The following PPM1B variants were observed in gnomAD, a reference collection of about 807,000 sequenced individuals.
PPM1B encodes protein phosphatase 1B.
PPM1B carries 22 observed loss-of-function variants against 43.0 expected under a neutral mutation model. The ratio of observed to expected loss-of-function variants is 0.51; its 90% confidence interval spans 0.37 to 0.73. The LOEUF is 0.73. PPM1B is among the 30% of genes least tolerant of loss of function. The pLI is 0.00. For synonymous variants in PPM1B, 217 were observed against 197.9 expected, an observed-to-expected ratio of 1.10 and a Z score of -0.81; for missense variants, 632 against 584.2, an observed-to-expected ratio of 1.08 and a Z score of -0.84.
chr2:44,215,011 A>C (rs989500589), intron 3 of PPM1B, among the ~76,000 whole-genome samples: 16 of 152,234 alleles, frequency 1.1e-4, no homozygotes, highest in Admixed American at 8.5e-4. Context: ...AACATGAGTT[A>C]ATAATTTAAT....
chr2:44,213,519 C>G (rs2104199896), intron 3 of PPM1B, among the ~76,000 whole-genome samples: 1 of 152,004 alleles, frequency 6.6e-6, no homozygotes, highest in Middle Eastern at 3.4e-3. Context: ...TGTGTGATTT[C>G]TAATATGTAA....
downstream of PPM1B, chr2:44,232,421 C>G: frequency 6.3e-7 from 1 of 1,585,342 alleles, no homozygotes; most frequent in Non-Finnish European, 8.5e-7. Flanking sequence ...TTCTTCAATA[C>G]AAGGGGAAAA....
chr2:44,194,355 GAC>G (rs1668554451), intron 1 of PPM1B, among the ~76,000 whole-genome samples: 1 of 152,124 alleles, frequency 6.6e-6, no homozygotes, highest in Non-Finnish European at 1.5e-5. Flanking sequence ...CTTTCTCTGG[GAC>G]TAGTGAATTT....
At chr2:44,211,878 T>G (rs1361539156) in intron 3 of PPM1B, among the ~76,000 whole-genome samples, 1 of 151,528 alleles carries the variant, frequency 6.6e-6, no homozygotes, top group Non-Finnish European at 1.5e-5. Context: ...CCCTTCTGAG[T>G]AGCTGGGATT....
chr2:44,207,562 A>AGT (rs1454065943), intron 2 of PPM1B, among the ~76,000 whole-genome samples: 1 of 151,962 alleles, frequency 6.6e-6, no homozygotes, highest in Non-Finnish European at 1.5e-5. Context: ...ATGGTACTAG[A>AGT]GTAGTATATA....
In PPM1B at chr2:44,169,130, G is replaced by C; in HGVS notation, c.-159G>C. 1 of 128,042 alleles carries C rather than the reference G, an allele frequency of 7.8e-6. No homozygotes were observed. 7.9% of individuals were successfully genotyped at this position (128,042 alleles called of 1,614,324 possible). On this transcript the variant is annotated 5_prime_UTR_variant, in exon 1 of 6. Coordinates refer to ENST00000282412, the MANE Select transcript of PPM1B (RefSeq NM_002706.6). ...GCGGCGGCGTGAGGGGCCGGGCGGT[G>C]TAAACAGCCCCGGAGGCGGCGGTCG...
chr2:44,243,257 C>T (rs1203101199), intron 5 of PPM1B, among the ~76,000 whole-genome samples: 2 of 152,150 alleles, frequency 1.3e-5, no homozygotes, highest in Non-Finnish European at 2.9e-5. Context: ...CCCTTTTACC[C>T]TTCATATACA....
chr2:44,226,813 T>C (rs1670234957), intron 5 of PPM1B, among the ~76,000 whole-genome samples: 1 of 149,520 alleles, frequency 6.7e-6, no homozygotes, highest in Non-Finnish European at 1.5e-5. Context: ...AAAAGGTCTT[T>C]GTGATATACC....
chr2:44,194,307 T>C (rs548683331), intron 1 of PPM1B, among the ~76,000 whole-genome samples: 2 of 152,164 alleles, frequency 1.3e-5, no homozygotes, highest in African/African-American at 2.4e-5. Context: ...GACCAAGCAT[T>C]TTATGGAGTA....
chr2:44,171,829 CAA>C (rs58214419), intron 1 of PPM1B, among the ~76,000 whole-genome samples: 531 of 118,696 alleles, frequency 4.5e-3, no homozygotes, highest in African/African-American at 0.015. Flanking sequence ...GACTCTGTCT[CAA>C]AAAAAAAAAA....
downstream of PPM1B, chr2:44,234,371 T>C: frequency 2.0e-6 from 1 of 498,984 alleles, no homozygotes; most frequent in Non-Finnish European, 2.6e-6. Flanking sequence ...ATACAAAGAT[T>C]AGCTGGGCAT....
downstream of PPM1B, among the ~76,000 whole-genome samples, chr2:44,236,159 G>C (rs1670605086): frequency 6.6e-6 from 1 of 151,970 alleles, no homozygotes; most frequent in South Asian, 2.1e-4. Flanking sequence ...ACTTTGGCAG[G>C]CCAAGGCGGG....
chr2:44,227,136 A>G (rs954505209), intron 5 of PPM1B, among the ~76,000 whole-genome samples: 3 of 151,106 alleles, frequency 2.0e-5, no homozygotes, highest in Admixed American at 6.6e-5. Flanking sequence ...GCCACACCTA[A>G]TTTTTTAAAT....
intron 1 of PPM1B, among the ~76,000 whole-genome samples, chr2:44,174,465 C>T (rs1431198813): frequency 1.3e-5 from 2 of 152,156 alleles, no homozygotes; most frequent in Non-Finnish European, 2.9e-5. Flanking sequence ...GTAGAATGGC[C>T]TTCACTTCAG....
intron 3 of PPM1B, among the ~76,000 whole-genome samples, chr2:44,211,096 A>G (rs1046561764): frequency 2.0e-5 from 3 of 152,154 alleles, no homozygotes; most frequent in African/African-American, 7.2e-5. Context: ...AGATCATGCC[A>G]CTGTACTCTA....
intron 5 of PPM1B, among the ~76,000 whole-genome samples, chr2:44,220,748 G>A (rs999161695): frequency 2.0e-5 from 3 of 152,218 alleles, no homozygotes; most frequent in Admixed American, 6.5e-5. Context: ...CCATTGCCAT[G>A]TGACTTGGAC....
chr2:44,210,759 A>T (rs1189194016), intron 3 of PPM1B, among the ~76,000 whole-genome samples: 2 of 152,062 alleles, frequency 1.3e-5, no homozygotes, highest in Non-Finnish European at 2.9e-5. Flanking sequence ...AGCCAAATCA[A>T]TTGAAAGTTG....
intron 3 of PPM1B, among the ~76,000 whole-genome samples, chr2:44,212,510 T>C (rs1383114786): frequency 6.6e-6 from 1 of 152,188 alleles, no homozygotes; most frequent in Admixed American, 6.5e-5. Flanking sequence ...GCTAAGCAAA[T>C]CCAATCGTGT....
At chr2:44,192,190 G>C (rs200098632) in intron 1 of PPM1B, among the ~76,000 whole-genome samples, 5 of 143,542 alleles carry the variant, frequency 3.5e-5, no homozygotes, top group African/African-American at 1.3e-4. Flanking sequence ...GTTATGTTAT[G>C]GTATTGTATT....
Sources: gnomAD v4.1 joint callset for allele counts (sites outside exome capture counted in the v4.1 genomes callset) on GRCh38, gnomAD v4.1.1 for gene constraint, MANE v1.5 for transcripts, NCBI Gene and HGNC (gene_info 2026-07-23, HGNC 2026-07-21) for gene names.